The following TNIP1 variants were observed in gnomAD, a reference collection of about 807,000 sequenced individuals.
TNIP1 encodes TNFAIP3 interacting protein 1.
TNIP1 carries 22 observed loss-of-function variants against 86.6 expected under a neutral mutation model. The observed-to-expected ratio is 0.25, with a 90% CI of 0.18 to 0.36. The LOEUF (loss-of-function observed/expected upper bound fraction) is 0.36, where lower values mean the gene tolerates loss of function less well. TNIP1 is among the 10% of genes least tolerant of loss of function. The pLI, the probability that TNIP1 is intolerant of heterozygous loss-of-function variation, is 1.00. For missense variants in TNIP1, 709 were observed against 820.6 expected (o/e 0.86, Z 1.66); for synonymous variants, 294 against 313.0 (o/e 0.94, Z 0.64).
chr5:151,082,115 C>G (rs775204390), upstream of TNIP1, among the ~76,000 whole-genome samples: 1 of 152,150 alleles, frequency 6.6e-6, no homozygotes. Flanking sequence ...AATACACACC[C>G]TCATTTTACA....
rs748776248 is a variant in TNIP1, at chr5:151,052,208, C to G, written c.679G>C (p.Asp227His). 6.2e-6 allele frequency: 10 copies of G among 1,613,980 alleles called. No individual in the cohort carries two copies. In the African/African-American group the frequency reaches 8.0e-5, roughly 13 times the overall value. The change falls in exon 7 of 18, where the codon GAT becomes CAT. Residue 227 changes from aspartate to histidine, a missense_variant. Transcript: ENST00000521591. ...KENEALKAKL[D>H]KGLEQRDQAA... The stretch of plus-strand genomic sequence containing the variant: ...TGATCCCGCTGTTCCAGGCCCTTAT[C>G]CAACTTGGCCTTCAGAGCCTCGTTC...
chr5:151,087,248 C>T (rs1007838934), upstream of TNIP1: 9 of 152,652 alleles, frequency 5.9e-5, no homozygotes, highest in African/African-American at 1.9e-4. Context: ...CAGGCAGCCC[C>T]GCAAGGCCCA....
chr5:151,073,592 G>T (rs1457445495), intron 1 of TNIP1, among the ~76,000 whole-genome samples: 2 of 152,118 alleles, frequency 1.3e-5, no homozygotes, highest in African/African-American at 4.8e-5. Flanking sequence ...TTGTGTGTGT[G>T]TGTGTATACA....
chr5:151,054,180 CCT>C (rs1248639120), intron 6 of TNIP1, among the ~76,000 whole-genome samples: 3 of 152,204 alleles, frequency 2.0e-5, no homozygotes, highest in Admixed American at 6.5e-5. Flanking sequence ...AAGTTGGGCC[CCT>C]GTCTCCCTGG....
At chr5:151,056,995 AG>A in intron 5 of TNIP1, 38 bp from the exon 6 acceptor site, 1 of 1,382,524 alleles carries the variant, frequency 7.2e-7, no homozygotes. Flanking sequence ...CTCTTCACCA[AG>A]GCCTGAGTAG....
intron 7 of TNIP1, among the ~76,000 whole-genome samples, chr5:151,051,287 A>G (rs763625570): frequency 1.2e-4 from 19 of 152,140 alleles, no homozygotes; most frequent in Admixed American, 3.9e-4. Context: ...TGTTGATTCT[A>G]ATAAGAAACA....
At chr5:151,078,237 AATG>A (rs1256504512) in intron 1 of TNIP1, among the ~76,000 whole-genome samples, 4 of 152,212 alleles carry the variant, frequency 2.6e-5, no homozygotes, top group African/African-American at 9.6e-5. Flanking sequence ...GTCATCAGGA[AATG>A]ATGCTTGGGA....
intron 1 of TNIP1, among the ~76,000 whole-genome samples, chr5:151,076,895 C>T (rs950477622): frequency 7.9e-5 from 12 of 152,120 alleles, no homozygotes; most frequent in Non-Finnish European, 1.5e-4. Flanking sequence ...TCTGAGTTTC[C>T]GCCACTCCAA....
chr5:151,039,153 T>C lies in TNIP1; in HGVS notation c.1207A>G (p.Ser403Gly), dbSNP rs1487019605. 1 of 1,614,052 alleles carries C rather than the reference T, an allele frequency of 6.2e-7. No homozygotes were observed. The highest frequency in any genetic ancestry group is 1.1e-5 in the South Asian group (1 of 91,072). ...QKVKYLQDQLSPLTRQREYQE... is the reference protein window; with the variant it reads ...QKVKYLQDQLGPLTRQREYQE... ...TACTCACGCTGTCGGGTGAGTGGGC[T>C]CAGCTGATCCTGCAGGTACTTGACC... Residue 403 changes from serine (S) to glycine (G), a missense_variant, in exon 12 of 18, where the codon AGC becomes GGC. Physicochemically the swap from Ser to Gly is moderately conservative, Grantham distance 56 (BLOSUM62 0). Transcript: ENST00000521591.
chr5:151,086,921 G>A (rs78367000), intron 1 of TNIP1, among the ~76,000 whole-genome samples: 1,810 of 152,356 alleles, frequency 0.012, 43 homozygotes, highest in African/African-American at 0.041. Context: ...CAAGACCTGG[G>A]TGGGAAGAGC....
chr5:151,065,549 C>T (rs960200757), intron 1 of TNIP1, among the ~76,000 whole-genome samples: 1 of 152,128 alleles, frequency 6.6e-6, no homozygotes. Context: ...GAATTTTGCC[C>T]AATAAACACT....
chr5:151,059,866 T>TGTGTGTGTGTGTGC (rs142393672), intron 5 of TNIP1, among the ~76,000 whole-genome samples: 2 of 82,700 alleles, frequency 2.4e-5, no homozygotes, highest in Non-Finnish European at 2.3e-5. Context: ...TGTGTGTGTG[T>TGTGTGTGTGTGTGC]GCGCGCGCGC....
chr5:151,086,824 A>T lies in TNIP1; in HGVS notation c.-37+261T>A, dbSNP rs3792779. ...AAAGACTGGCCAAGAAGGCAAGGCC[A>T]GAAGAAGAGGGGCAGGAAGAAGGAA... On this transcript the variant is annotated intron_variant, in intron 1 of 17. Coordinates refer to the TNIP1 transcript ENST00000315050. 2.6e-5 allele frequency among the ~76,000 whole-genome samples: 4 copies of T among 152,122 alleles called. No homozygotes were observed. In the South Asian group the frequency reaches 6.2e-4, roughly 24 times the overall value.
rs750825606 is a variant in TNIP1, at chr5:151,045,882, C to T, written c.915G>A (p.Met305Ile). 3 of 1,614,030 alleles carry T rather than the reference C, an allele frequency of 1.9e-6. No homozygotes were observed. The highest frequency in any genetic ancestry group is 4.5e-5 in the East Asian group (2 of 44,892). Residue 305 changes from methionine (M) to isoleucine (I), a missense_variant, in exon 9 of 18, where the codon ATG becomes ATA. Physicochemically the swap from Met to Ile is conservative, Grantham distance 10. Transcript: ENST00000521591. ...CTACCTCACTGCGCTGCTGCTCCAG[C>T]ATCTTCACCTTCTTCTCGGCTGCGC... ...ALGAAEKKVKMLEQQRSELLE... is the reference protein window; with the variant it reads ...ALGAAEKKVKILEQQRSELLE...
chr5:151,033,068 A>G (rs1260439741), intron 16 of TNIP1, among the ~76,000 whole-genome samples: 24 of 140,766 alleles, frequency 1.7e-4, no homozygotes, highest in African/African-American at 6.0e-4. Context: ...AGAGGTTGCA[A>G]TGAGCCGAGA....
intron 2 of TNIP1, 113 bp from the exon 3 acceptor site, chr5:151,063,860 T>C (rs951684978): frequency 3.6e-5 from 48 of 1,330,950 alleles, no homozygotes; most frequent in Non-Finnish European, 4.7e-5. Context: ...CTCCAGGCCC[T>C]GGACTTCACT....
At chr5:151,033,990 T>C (rs893599855) in intron 15 of TNIP1, among the ~76,000 whole-genome samples, 191 bp from the exon 16 acceptor site, 2 of 152,056 alleles carry the variant, frequency 1.3e-5, no homozygotes, top group African/African-American at 4.8e-5. Context: ...GCTGGATATA[T>C]GAGCATGGAA....
At chr5:151,033,127 C>CA (rs11375507) in intron 16 of TNIP1, among the ~76,000 whole-genome samples, 50,971 of 78,704 alleles carry the variant, frequency 0.65, 16,669 homozygotes, top group Non-Finnish European at 0.68. Context: ...AATTCCATCT[C>CA]AAAAAAAAAA....
At chr5:151,083,944 G>A (rs776875521), upstream of TNIP1, among the ~76,000 whole-genome samples, 1 of 152,154 alleles carries the variant, frequency 6.6e-6, no homozygotes, top group African/African-American at 2.4e-5. Context: ...TTATGAGGTC[G>A]GCACCATTAT....
Sources: allele counts gnomAD v4.1 joint callset (sites outside exome capture counted in the v4.1 genomes callset), GRCh38; gene constraint gnomAD v4.1.1; transcripts MANE v1.5; gene names NCBI Gene and HGNC (gene_info 2026-07-23, HGNC 2026-07-21).